Variants in MRTFA observed in about 807,000 individuals in gnomAD.
The protein encoded by MRTFA is myocardin-related transcription factor A.
A neutral mutation model predicts 83.5 loss-of-function variants in MRTFA; 20 were observed. The observed-to-expected ratio is 0.24, with a 90% confidence interval of 0.17 to 0.35. The LOEUF is 0.35. Ranked by LOEUF, MRTFA falls within the 10% of genes least tolerant of loss-of-function variation. MRTFA has a pLI of 1.00. For synonymous variants in MRTFA, 659 were observed against 541.2 expected (o/e 1.22, Z -3.02); for missense variants, 1,200 against 1,224.7 (o/e 0.98, Z 0.30).
chr22:40,554,102 C>G (rs1361573756), intron 2 of MRTFA, among the ~76,000 whole-genome samples: 1 of 152,184 alleles, frequency 6.6e-6, no homozygotes, highest in East Asian at 1.9e-4. Flanking sequence ...CCTGTACCCC[C>G]CATTGTATCT....
At chr22:40,523,883 T>C (rs1269243713) in intron 3 of MRTFA, among the ~76,000 whole-genome samples, 1 of 152,182 alleles carries the variant, frequency 6.6e-6, no homozygotes, top group Non-Finnish European at 1.5e-5. Context: ...TTGAGGAATA[T>C]AATCTTATCG....
At chr22:40,523,126 A>C (rs894502929) in intron 3 of MRTFA, among the ~76,000 whole-genome samples, 2 of 139,280 alleles carry the variant, frequency 1.4e-5, no homozygotes, top group African/African-American at 2.7e-5. Context: ...GAAAAATGGC[A>C]AAAAAAAAAA....
intron 2 of MRTFA, among the ~76,000 whole-genome samples, chr22:40,574,228 T>A (rs1463487974): frequency 6.6e-6 from 1 of 152,148 alleles, no homozygotes; most frequent in Non-Finnish European, 1.5e-5. Flanking sequence ...GCAGTAACAT[T>A]TTAACATTAT....
intron 3 of MRTFA, among the ~76,000 whole-genome samples, chr22:40,480,091 C>T (rs576461825): frequency 2.0e-5 from 3 of 152,178 alleles, no homozygotes; most frequent in East Asian, 3.9e-4. Flanking sequence ...GCTATGCAGA[C>T]GATACAACTG....
intron 6 of MRTFA, 28 bp from the exon 7 acceptor site, chr22:40,429,795 G>T: frequency 6.3e-7 from 1 of 1,586,004 alleles, no homozygotes. Context: ...AGGGGTGCAG[G>T]AAGATATATG....
chr22:40,472,863 G>A (rs533529858), intron 3 of MRTFA, among the ~76,000 whole-genome samples: 1 of 152,340 alleles, frequency 6.6e-6, no homozygotes, highest in Admixed American at 6.5e-5. Context: ...ACAAAGAGCA[G>A]TGAAAATGGA....
At chr22:40,512,981 G>T (rs2054692568) in intron 3 of MRTFA, among the ~76,000 whole-genome samples, 1 of 152,124 alleles carries the variant, frequency 6.6e-6, no homozygotes, top group African/African-American at 2.4e-5. Flanking sequence ...GCTATGAAAA[G>T]AAATTTCTAG....
At chr22:40,594,378 G>A (rs1433429669) in intron 2 of MRTFA, among the ~76,000 whole-genome samples, 4 of 152,122 alleles carry the variant, frequency 2.6e-5, no homozygotes, top group East Asian at 3.8e-4. Flanking sequence ...TAAAGAGGTA[G>A]GGGTATGTGT....
chr22:40,536,410 G>A (rs1272511163), intron 3 of MRTFA, among the ~76,000 whole-genome samples: 1 of 150,414 alleles, frequency 6.6e-6, no homozygotes, highest in African/African-American at 2.4e-5. Context: ...GGCGAGCGCC[G>A]CCCGGGAGGC....
rs369764888 is a variant in MRTFA at position 40,543,576 on chromosome 22, T to A, written c.241+8530A>T. On this transcript the variant is annotated intron_variant, in intron 3 of 14. Transcript: ENST00000355630. ...ACATCTCTCAGAACAATATCTGAGATCAACAACAACATTTAGAAAATAAAA... is the reference window on the plus strand; with the variant it reads ...ACATCTCTCAGAACAATATCTGAGAACAACAACAACATTTAGAAAATAAAA... Among the ~76,000 whole-genome samples the A allele has an allele frequency of 3.0e-4, 45 of 152,208 alleles. 1 individual carries two copies. The South Asian group carries it at 9.1e-3, about 31-fold the overall frequency.
At chr22:40,548,093 G>T (rs574846131) in intron 3 of MRTFA, among the ~76,000 whole-genome samples, 2 of 152,142 alleles carry the variant, frequency 1.3e-5, no homozygotes, top group Admixed American at 1.3e-4. Flanking sequence ...GCTCATGCCT[G>T]TAATCTCAGC....
rs1261210045 is a variant in MRTFA, at chr22:40,411,744, C to T, written c.2742G>A (p.Leu914=). 8 of 1,548,768 alleles carry T rather than the reference C, an allele frequency of 5.2e-6. No individual in the cohort carries two copies. The Admixed American group carries it at 5.5e-5, about 11-fold the overall frequency. ...CCGTGCTGCTCTCCAGGAAGTCCTCCAGGCGTCCAGGGAGGGAGGGTGAGC... is the reference window on the plus strand; with the variant it reads ...CCGTGCTGCTCTCCAGGAAGTCCTCTAGGCGTCCAGGGAGGGAGGGTGAGC... The change falls in exon 15 of 15, where the codon CTG becomes CTA. Residue 914 remains leucine (L), a synonymous_variant. Coordinates refer to ENST00000355630, the MANE Select transcript of MRTFA (RefSeq NM_020831.6).
chr22:40,593,924 T>C (rs1484181477), intron 2 of MRTFA, among the ~76,000 whole-genome samples: 1 of 152,220 alleles, frequency 6.6e-6, no homozygotes, highest in East Asian at 1.9e-4. Flanking sequence ...CTTATGGTGG[T>C]AGAAAACTAG....
intron 3 of MRTFA, among the ~76,000 whole-genome samples, chr22:40,483,684 A>G: frequency 6.6e-6 from 1 of 151,038 alleles, no homozygotes. Context: ...GACTGTCTCA[A>G]TAAAAAAAAA....
In MRTFA at chr22:40,417,321, G is replaced by A. The variant is rs199656411; in HGVS notation, c.2517+20C>T. 6.2e-7 allele frequency: 1 copy of A among 1,606,822 alleles called. No homozygotes were observed. Among genetic ancestry groups the A allele is most frequent in the Non-Finnish European group, 8.5e-7 (1 of 1,177,650 alleles). ...TAGGGCAGCTGCCAACACTAGCCAG[G>A]CCTAGCCCGCCTTCCTCACCTGCTG... On this transcript the variant is annotated intron_variant, in intron 13 of 14. Coordinates refer to ENST00000355630, the MANE Select transcript of MRTFA (RefSeq NM_020831.6).
chr22:40,430,340 T>A (rs1201995877), intron 6 of MRTFA, among the ~76,000 whole-genome samples: 3 of 151,108 alleles, frequency 2.0e-5, no homozygotes, highest in East Asian at 2.0e-4. Flanking sequence ...ATACAAAAAT[T>A]AGCCAGGCGT....
chr22:40,457,500 AAG>A (rs548992935), intron 4 of MRTFA, among the ~76,000 whole-genome samples: 2 of 146,324 alleles, frequency 1.4e-5, no homozygotes, highest in East Asian at 2.1e-4. Flanking sequence ...GAAAGAAAGA[AAG>A]AGAAAGAAAG....
chr22:40,599,470 A>C (rs1482686784), intron 1 of MRTFA, among the ~76,000 whole-genome samples: 1 of 152,204 alleles, frequency 6.6e-6, no homozygotes, highest in African/African-American at 2.4e-5. Flanking sequence ...CATTATCCTT[A>C]TCTTCTAAAA....
chr22:40,508,292 T>C (rs1256469285), intron 3 of MRTFA, among the ~76,000 whole-genome samples: 5 of 151,762 alleles, frequency 3.3e-5, no homozygotes, highest in Non-Finnish European at 7.4e-5. Flanking sequence ...GGCAGATCAT[T>C]TGAGGTCAGG....
Sources: gnomAD v4.1 joint callset for allele counts (sites outside exome capture counted in the v4.1 genomes callset) on GRCh38, gnomAD v4.1.1 for gene constraint, MANE v1.5 for transcripts, NCBI Gene and HGNC (gene_info 2026-07-23, HGNC 2026-07-21) for gene names.